The following ATXN3 variants were observed in gnomAD, a reference collection of about 807,000 sequenced individuals.
The protein encoded by ATXN3 is ataxin 3, also known as ataxin-3.
Under a neutral mutation model 58.2 loss-of-function variants are expected in ATXN3, and 28 were observed. The ratio of observed to expected loss-of-function variants is 0.48; its 90% CI spans 0.36 to 0.66. The LOEUF (loss-of-function observed/expected upper bound fraction) is 0.66, where lower values mean the gene tolerates loss of function less well. Among genes scored for constraint, ATXN3 ranks in the 30% least tolerant of loss-of-function variants. ATXN3 has a pLI of 0.00. For synonymous variants in ATXN3, 113 were observed against 138.5 expected, an observed-to-expected ratio of 0.82 and a Z score of 1.29; for missense variants, 321 against 422.1, an observed-to-expected ratio of 0.76 and a Z score of 2.10.
At chr14:92,080,594 T>G in intron 9 of ATXN3, 1 of 291,362 alleles carries the variant, frequency 3.4e-6, no homozygotes, top group South Asian at 3.2e-5. Context: ...AGGGCAGTGG[T>G]GCGATCTCGG....
At chr14:92,074,230 GGCAGGAGAA>G (rs2059962491) in intron 9 of ATXN3, among the ~76,000 whole-genome samples, 2 of 151,812 alleles carry the variant, frequency 1.3e-5, no homozygotes, top group Non-Finnish European at 2.9e-5. Context: ...AGGAGGCTGA[GGCAGGAGAA>G]TTGTTTGAAG....
At chr14:92,104,653 C>T (rs576667459) in intron 1 of ATXN3, among the ~76,000 whole-genome samples, 153 of 151,702 alleles carry the variant, frequency 1.0e-3, no homozygotes, top group Non-Finnish European at 1.9e-3. Flanking sequence ...TGGCCGGGTG[C>T]GGTGGCTCAC....
intron 10 of ATXN3, among the ~76,000 whole-genome samples, chr14:92,068,757 A>G (rs981154140): frequency 6.6e-6 from 1 of 151,838 alleles, no homozygotes; most frequent in Non-Finnish European, 1.5e-5. Context: ...TGCCCGACTA[A>G]TCTTGTATTT....
At position 92,059,355 on chromosome 14, in the gene ATXN3, G is replaced by T. The variant is rs2057586831; in HGVS notation, c.*4965C>A. The T allele has an allele frequency of 6.6e-6, 1 of 152,132 alleles. No homozygotes were observed. Among genetic ancestry groups the T allele is most frequent in the African/African-American group, 2.4e-5 (1 of 41,446 alleles). The allele number at this position is 152,132 out of a possible 1,614,324, so 9.4% of individuals were successfully genotyped here. ...GCCAGGTCATTTTTTAAAGCAAAAA[G>T]ATGCTGGTTATAAAGGGGCCAGAAA... On this transcript the variant is annotated 3_prime_UTR_variant, in exon 11 of 11. Transcript: ENST00000644486.
intron 4 of ATXN3, 56 bp from the exon 5 acceptor site, chr14:92,093,374 T>A: frequency 1.2e-6 from 1 of 842,262 alleles, no homozygotes; most frequent in East Asian, 2.8e-5. Context: ...ATTTATGTTG[T>A]CTACTGGCAA....
chr14:92,075,368 T>C (rs2060186406), intron 9 of ATXN3, among the ~76,000 whole-genome samples: 1 of 152,166 alleles, frequency 6.6e-6, no homozygotes, highest in Non-Finnish European at 1.5e-5. Context: ...GGTTTCGCCA[T>C]GTTGGCCAGG....
Position 92,064,206 on chromosome 14 carries a change from C to A in ATXN3, c.*114G>T. ...CTTTCCCATCATTTTGTTTGCAAAC[C>A]GCTAAAAGTCTTATTTCCTCATCTC... is the stretch of plus-strand genomic sequence containing the variant. On this transcript the variant is annotated 3_prime_UTR_variant, in exon 11 of 11. Transcript: ENST00000644486. 1 of 649,236 alleles carries A rather than the reference C, an allele frequency of 1.5e-6. No homozygotes were observed. Among genetic ancestry groups the A allele is most frequent in the Non-Finnish European group, 2.5e-6 (1 of 395,926 alleles). 40.2% of individuals were successfully genotyped at this position (649,236 alleles called of 1,614,324 possible).
chr14:92,085,528 C>A (rs1333727845), intron 6 of ATXN3, among the ~76,000 whole-genome samples: 1 of 152,038 alleles, frequency 6.6e-6, no homozygotes, highest in African/African-American at 2.4e-5. Context: ...TGGGAAGCCA[C>A]TGAAGGACAA....
At chr14:92,055,170 C>T (rs868767882), downstream of ATXN3, among the ~76,000 whole-genome samples, 11 of 152,132 alleles carry the variant, frequency 7.2e-5, no homozygotes, top group East Asian at 1.9e-4. This position sits in a 1 kb window ranked among gnomAD's most constrained non-coding sequence, Gnocchi z 4.5. Context: ...TGTGAGCCAC[C>T]GTGCCGGGGA....
intron 6 of ATXN3, among the ~76,000 whole-genome samples, chr14:92,084,496 A>C (rs2062015134): frequency 6.6e-6 from 1 of 152,208 alleles, no homozygotes; most frequent in African/African-American, 2.4e-5. Context: ...GGGTTTCCCC[A>C]AGCTAGATGC....
intron 7 of ATXN3, 95 bp downstream of exon 7, chr14:92,083,031 A>G (rs1219981533): frequency 1.4e-6 from 2 of 1,438,230 alleles, no homozygotes; most frequent in African/African-American, 1.4e-5. Context: ...AGAGTCGCCA[A>G]CAACACAAGG....
At chr14:92,083,834 AC>A (rs1477698234) in intron 6 of ATXN3, among the ~76,000 whole-genome samples, 1 of 152,208 alleles carries the variant, frequency 6.6e-6, no homozygotes, top group Non-Finnish European at 1.5e-5. Context: ...CCACCCTCAA[AC>A]TGGGTGGTCA....
At chr14:92,088,919 G>T (rs2063161787) in intron 5 of ATXN3, 102 bp from the exon 6 acceptor site, 5 of 659,684 alleles carry the variant, frequency 7.6e-6, no homozygotes, top group African/African-American at 1.8e-5. Flanking sequence ...TAGTAAGATT[G>T]TTTAAACTCT....
At chr14:92,101,533 T>C (rs968872530) in intron 1 of ATXN3, among the ~76,000 whole-genome samples, 3 of 152,172 alleles carry the variant, frequency 2.0e-5, no homozygotes, top group African/African-American at 7.2e-5. Flanking sequence ...AGAAGTTCAC[T>C]TTGCCATAAT....
chr14:92,068,570 C>T (rs1170539567), intron 10 of ATXN3, among the ~76,000 whole-genome samples: 6 of 152,064 alleles, frequency 3.9e-5, no homozygotes. Flanking sequence ...CTTCTCTCTG[C>T]CTTTGAGATT....
chr14:92,057,430 G>C (rs957904547), downstream of ATXN3, among the ~76,000 whole-genome samples: 3 of 139,832 alleles, frequency 2.1e-5, no homozygotes, highest in Non-Finnish European at 4.7e-5. Flanking sequence ...ACAACAAAGC[G>C]GGGGGAGGGG....
intron 10 of ATXN3, among the ~76,000 whole-genome samples, chr14:92,068,014 T>C (rs1254685144): frequency 6.6e-6 from 1 of 152,144 alleles, no homozygotes; most frequent in African/African-American, 2.4e-5. Flanking sequence ...CCACGGACAT[T>C]GTGGAGGTGT....
In ATXN3 at chr14:92,061,310, C is replaced by T. The variant is rs2057762175; in HGVS notation, c.*3010G>A. 6.6e-6 allele frequency: 1 copy of T among 151,416 alleles called. No homozygotes were observed. The highest frequency in any genetic ancestry group is 1.5e-5 in the Non-Finnish European group (1 of 67,954). 9.4% of individuals were successfully genotyped at this position (151,416 alleles called of 1,614,324 possible). A position where few individuals can be genotyped will look rare whatever the true frequency, so the allele number is the denominator to read the frequency against. On this transcript the variant is annotated 3_prime_UTR_variant, in exon 11 of 11. Transcript: ENST00000644486. ...GAATTGTAAATTATTTGGCCAAGAT[C>T]CTAGTATAGAGTTTACCTGCAGCAG...
rs1242954014 is a variant in ATXN3 at position 92,061,721 on chromosome 14, T to A, written c.*2599A>T. On this transcript the variant is annotated 3_prime_UTR_variant, in exon 11 of 11. Coordinates refer to ENST00000644486, the MANE Select transcript of ATXN3 (RefSeq NM_004993.6). ...ACAGTAAATGGCAGTACCTGATGTA[T>A]AAACTATAGCTTTGAATAATTTTTA... 1 of 152,260 alleles carries A rather than the reference T, an allele frequency of 6.6e-6. No homozygotes were observed. Among genetic ancestry groups the A allele is most frequent in the Non-Finnish European group, 1.5e-5 (1 of 68,050 alleles). 9.4% of individuals were successfully genotyped at this position (152,260 alleles called of 1,614,324 possible).
Sources: gnomAD v4.1 joint callset for allele counts (sites outside exome capture counted in the v4.1 genomes callset) on GRCh38, gnomAD v4.1.1 for gene constraint, Gnocchi (gnomAD v3.1) non-coding constraint, MANE v1.5 for transcripts, NCBI Gene and HGNC (gene_info 2026-07-23, HGNC 2026-07-21) for gene names.